The following TMOD2 variants were observed in gnomAD, a reference collection of about 807,000 sequenced individuals.
TMOD2 encodes the protein tropomodulin-2.
Under a neutral mutation model 39.9 loss-of-function variants are expected in TMOD2, and 22 were observed. The observed-to-expected ratio is 0.55, with a 90% CI of 0.39 to 0.79. The LOEUF (loss-of-function observed/expected upper bound fraction) is 0.79. Among genes scored for constraint, TMOD2 ranks in the 30% least tolerant of loss-of-function variants. The pLI is 0.00. For missense variants in TMOD2, 386 were observed against 413.3 expected (o/e 0.93, Z 0.57); for synonymous variants, 123 against 146.1 (o/e 0.84, Z 1.14).
intron 1 of TMOD2, among the ~76,000 whole-genome samples, chr15:51,765,392 T>C (rs2055809689): frequency 1.3e-5 from 2 of 152,246 alleles, no homozygotes; most frequent in African/African-American, 4.8e-5. Flanking sequence ...AGCTGTGATC[T>C]TCTTGGGGAA....
chr15:51,787,519 C>T (rs1041135516), intron 7 of TMOD2, among the ~76,000 whole-genome samples: 4 of 152,246 alleles, frequency 2.6e-5, no homozygotes, highest in Non-Finnish European at 4.4e-5. Flanking sequence ...GCATGGCGTT[C>T]GAGCTCCGAT....
At chr15:51,757,924 G>C (rs191698913) in intron 1 of TMOD2, among the ~76,000 whole-genome samples, 24 of 152,286 alleles carry the variant, frequency 1.6e-4, no homozygotes, top group South Asian at 6.2e-4. Context: ...AACTAGCTGA[G>C]TATAGTGGGA....
At chr15:51,760,814 GA>G (rs11459575) in intron 1 of TMOD2, among the ~76,000 whole-genome samples, 1 of 151,110 alleles carries the variant, frequency 6.6e-6, no homozygotes, top group South Asian at 2.1e-4. Flanking sequence ...CTCAAAAAAA[GA>G]AAAAAAAATC....
intron 7 of TMOD2, chr15:51,783,127 T>G (rs1595870890): frequency 3.1e-6 from 1 of 325,644 alleles, no homozygotes; most frequent in East Asian, 8.4e-5. Flanking sequence ...TTTCTAAAAC[T>G]TTCACATCTA....
chr15:51,784,285 A>G (rs531968456), intron 7 of TMOD2: 32 of 152,350 alleles, frequency 2.1e-4, no homozygotes, highest in African/African-American at 7.2e-4. Flanking sequence ...CTGTTGTTCT[A>G]TGGCATTTAA....
chr15:51,780,717 A>G (rs1289504216), intron 5 of TMOD2, among the ~76,000 whole-genome samples: 1 of 152,188 alleles, frequency 6.6e-6, no homozygotes, highest in Non-Finnish European at 1.5e-5. Context: ...TCTAGTTAGT[A>G]TAGTCTGACA....
chr15:51,753,738 T>G (rs555616308), intron 1 of TMOD2, among the ~76,000 whole-genome samples: 6 of 150,334 alleles, frequency 4.0e-5, no homozygotes, highest in Non-Finnish European at 8.9e-5. Context: ...TCATGACATC[T>G]GCAACTTTCA....
chr15:51,796,699 A>C (rs117759519), intron 7 of TMOD2, among the ~76,000 whole-genome samples: 3,106 of 152,340 alleles, frequency 0.02, 51 homozygotes, highest in Admixed American at 0.032. Context: ...GCTGTTATAG[A>C]AGTTGTGTGA....
chr15:51,773,811 A>C lies in TMOD2; in HGVS notation c.383A>C (p.Asp128Ala). The C allele has an allele frequency of 6.2e-7, 1 of 1,611,944 alleles. No individual in the cohort carries two copies. The highest frequency in any genetic ancestry group is 1.1e-5 in the South Asian group (1 of 90,730). ...ELEEALASAS[D>A]TELYDLAAVL... ...GAAGAAGCTTTGGCCAGTGCCTCTG[A>C]CACCGAACTCTATGATCTTGCAGGT... The change falls in exon 4 of 10, where the codon GAC becomes GCC. Residue 128 changes from aspartate (D) to alanine (A), a missense_variant. Transcript: ENST00000249700.
intron 7 of TMOD2, chr15:51,784,606 A>G (rs2055955983): frequency 6.6e-6 from 1 of 152,242 alleles, no homozygotes; most frequent in African/African-American, 2.4e-5. Context: ...CAGTTATTAC[A>G]TTTCTAAATT....
chr15:51,768,266 C>T lies in TMOD2; in HGVS notation c.131C>T (p.Ala44Val), dbSNP rs775269638. The change falls in exon 3 of 10, where the codon GCC becomes GTC. Residue 44 changes from alanine to valine, a missense_variant. Coordinates refer to ENST00000249700, the MANE Select transcript of TMOD2 (RefSeq NM_014548.4). ...CTCACACCTCTTTCTTGTCAGAGTG[C>T]CATGCTGCCAGCTGGATTTCGACAG... is the stretch of plus-strand genomic sequence containing the variant. ...NVLDDLDPES[A>V]MLPAGFRQKD... 4.3e-6 allele frequency: 7 copies of T among 1,613,974 alleles called. No individual in the cohort carries two copies. Among genetic ancestry groups the T allele is most frequent in the Admixed American group, 3.3e-5 (2 of 59,992 alleles).
chr15:51,801,279 ACACACC>A, intron 8 of TMOD2, among the ~76,000 whole-genome samples: 1 of 138,714 alleles, frequency 7.2e-6, no homozygotes, highest in Admixed American at 7.6e-5. Flanking sequence ...ACACACACAC[ACACACC>A]CTGTCTCTCT....
intron 1 of TMOD2, chr15:51,756,445 C>T (rs1246933713): frequency 6.6e-6 from 1 of 152,238 alleles, no homozygotes; most frequent in South Asian, 2.1e-4. Flanking sequence ...ACATGGTCAC[C>T]TTAAGTGTCA....
chr15:51,756,130 G>T (rs1233466721), intron 1 of TMOD2, among the ~76,000 whole-genome samples: 2 of 152,154 alleles, frequency 1.3e-5, no homozygotes, highest in Non-Finnish European at 2.9e-5. Context: ...AATAGGACCC[G>T]CCATGAGAAT....
intron 7 of TMOD2, among the ~76,000 whole-genome samples, chr15:51,794,320 CCA>C (rs2056032993): frequency 6.6e-6 from 1 of 152,220 alleles, no homozygotes; most frequent in Non-Finnish European, 1.5e-5. Context: ...CCTGTCTTTT[CCA>C]CTGTAAAAAC....
rs2056169644 is a variant in TMOD2 at position 51,813,528 on chromosome 15, A to C, written c.*5074A>C. 6.6e-6 allele frequency: 1 copy of C among 152,242 alleles called. No individual in the cohort carries two copies. Among genetic ancestry groups the C allele is most frequent in the Non-Finnish European group, 1.5e-5 (1 of 68,048 alleles). 9.4% of individuals were successfully genotyped at this position (152,242 alleles called of 1,614,324 possible). On this transcript the variant is annotated 3_prime_UTR_variant, in exon 10 of 10. Coordinates refer to ENST00000249700, the MANE Select transcript of TMOD2 (RefSeq NM_014548.4). ...TATGGTGAAGGGGCACCGTACTAACAGATTTGGAGACTGAAACCTAATCCC... is the reference window on the plus strand; with the variant it reads ...TATGGTGAAGGGGCACCGTACTAACCGATTTGGAGACTGAAACCTAATCCC...
chr15:51,763,422 C>T (rs1595862749), intron 1 of TMOD2, among the ~76,000 whole-genome samples: 1 of 152,342 alleles, frequency 6.6e-6, no homozygotes, highest in African/African-American at 2.4e-5. Context: ...TCTTCACACT[C>T]AGAGTCCAAC....
In TMOD2 at chr15:51,811,933, C is replaced by T. The variant is rs1295137948; in HGVS notation, c.*3479C>T. 1 of 152,198 alleles carries T rather than the reference C, an allele frequency of 6.6e-6. No homozygotes were observed. The highest frequency in any genetic ancestry group is 2.4e-5 in the African/African-American group (1 of 41,448). 9.4% of individuals were successfully genotyped at this position (152,198 alleles called of 1,614,324 possible). Reference sequence around the variant, plus strand: ...TAGTTGTTCTAGCACCAAATCTATCCATTTGCCTAATGTATTTAACATTCC... The same window carrying T: ...TAGTTGTTCTAGCACCAAATCTATCTATTTGCCTAATGTATTTAACATTCC... On this transcript the variant is annotated 3_prime_UTR_variant, in exon 10 of 10. Transcript: ENST00000249700.
rs1208890627 is a variant in TMOD2 at position 51,813,648 on chromosome 15, T to C, written c.*5194T>C. 2 of 152,090 alleles carry C rather than the reference T, an allele frequency of 1.3e-5. No individual in the cohort carries two copies. Among genetic ancestry groups the C allele is most frequent in the African/African-American group, 4.8e-5 (2 of 41,406 alleles). 9.4% of individuals were successfully genotyped at this position (152,090 alleles called of 1,614,324 possible). A position where few individuals can be genotyped will look rare whatever the true frequency, so the allele number is the denominator to read the frequency against. On this transcript the variant is annotated 3_prime_UTR_variant, in exon 10 of 10. Coordinates refer to ENST00000249700, the MANE Select transcript of TMOD2 (RefSeq NM_014548.4). ...AGGGGGAAGAGCACTGGATTTGGAG[T>C]CAAGAAACCTGGACACTTGGCTCCA...
Sources: gnomAD v4.1 joint callset for allele counts (sites outside exome capture counted in the v4.1 genomes callset) on GRCh38, gnomAD v4.1.1 for gene constraint, MANE v1.5 for transcripts, NCBI Gene and HGNC (gene_info 2026-07-23, HGNC 2026-07-21) for gene names.